Variants in ZNF423 observed in about 807,000 individuals in gnomAD.
ZNF423 encodes the protein zinc finger protein 423.
ZNF423 carries 12 observed loss-of-function variants against 95.8 expected under a neutral mutation model. The ratio of observed to expected loss-of-function variants is 0.13; its 90% CI spans 0.08 to 0.20. The LOEUF is 0.20. Among genes scored for constraint, ZNF423 ranks in the 10% least tolerant of loss-of-function variants. ZNF423 has a pLI of 1.00. For missense variants in ZNF423, 1,316 were observed against 1,737.1 expected (o/e 0.76, Z 4.31); for synonymous variants, 749 against 711.9 (o/e 1.05, Z -0.83).
chr16:49,818,814 G>C (rs565945903), intron 1 of ZNF423, among the ~76,000 whole-genome samples: 65 of 152,098 alleles, frequency 4.3e-4, no homozygotes, highest in Non-Finnish European at 8.7e-4. Context: ...TTGAGCCCAG[G>C]AGTTCAAAAC....
At chr16:49,529,292 A>G (rs73578482) in intron 5 of ZNF423, among the ~76,000 whole-genome samples, 8,851 of 152,082 alleles carry the variant, frequency 0.058, 405 homozygotes, top group African/African-American at 0.13. Flanking sequence ...GGCACAAGGA[A>G]ATCTATTGAT....
intron 3 of ZNF423, among the ~76,000 whole-genome samples, chr16:49,706,408 C>T (rs2032352027): frequency 6.6e-6 from 1 of 152,214 alleles, no homozygotes; most frequent in Admixed American, 6.5e-5. Flanking sequence ...CTGGAAGAAT[C>T]CCATCCCTGG....
At chr16:49,611,133 T>A (rs900303007) in intron 5 of ZNF423, among the ~76,000 whole-genome samples, 3 of 152,026 alleles carry the variant, frequency 2.0e-5, no homozygotes, top group African/African-American at 7.2e-5. Context: ...ACAGAAGAAC[T>A]CAAAATCATT....
At chr16:49,815,893 TA>T (rs2034838235) in intron 1 of ZNF423, among the ~76,000 whole-genome samples, 1 of 45,818 alleles carries the variant, frequency 2.2e-5, no homozygotes, top group Non-Finnish European at 3.9e-5. Context: ...TATATATATA[TA>T]TATATATATA....
At chr16:49,848,066 T>G (rs1202829142) in intron 1 of ZNF423, among the ~76,000 whole-genome samples, 2 of 151,942 alleles carry the variant, frequency 1.3e-5, no homozygotes, top group Non-Finnish European at 1.5e-5. Context: ...ATCACGTCAC[T>G]GCACTCCAGC....
Position 49,492,361 on chromosome 16 carries a change from C to T in ZNF423, c.3850-1057G>A, listed in dbSNP as rs1219471787. ...GGCGCCCCCCAGGGCCCGGCGACTCCTGCAGCTGTGCCGCTGACCGCCAGG... is the reference window on the plus strand; with the variant it reads ...GGCGCCCCCCAGGGCCCGGCGACTCTTGCAGCTGTGCCGCTGACCGCCAGG... On this transcript the variant is annotated intron_variant, in intron 7 of 7. Transcript: ENST00000563137. This position sits in a 1 kb window ranked among gnomAD's most constrained non-coding sequence, Gnocchi z 4.2. 6.6e-6 allele frequency among the ~76,000 whole-genome samples: 1 copy of T among 152,206 alleles called. No homozygotes were observed. The highest frequency in any genetic ancestry group is 1.5e-5 in the Non-Finnish European group (1 of 68,024).
At chr16:49,512,862 G>A (rs927234466) in intron 7 of ZNF423, among the ~76,000 whole-genome samples, 14 of 152,092 alleles carry the variant, frequency 9.2e-5, no homozygotes, top group Admixed American at 2.0e-4. Context: ...TTGAGAGGCC[G>A]AGGCAAGTGG....
At chr16:49,644,194 A>G (rs1973081590) in intron 3 of ZNF423, among the ~76,000 whole-genome samples, 1 of 152,190 alleles carries the variant, frequency 6.6e-6, no homozygotes, top group African/African-American at 2.4e-5. Flanking sequence ...AGTGGGGGGC[A>G]CACATGGAAG....
intron 3 of ZNF423, among the ~76,000 whole-genome samples, chr16:49,730,118 C>G (rs2033125930): frequency 6.6e-6 from 1 of 152,176 alleles, no homozygotes; most frequent in Non-Finnish European, 1.5e-5. Flanking sequence ...CTCCCCACCC[C>G]AATCACCCCA....
At chr16:49,667,141 C>T (rs892139616) in intron 3 of ZNF423, among the ~76,000 whole-genome samples, 8 of 152,220 alleles carry the variant, frequency 5.3e-5, no homozygotes, top group African/African-American at 1.9e-4. Flanking sequence ...TAACTCTGAG[C>T]CTCCCCTTCC....
At chr16:49,602,102 C>T (rs985502134) in intron 5 of ZNF423, among the ~76,000 whole-genome samples, 1 of 152,236 alleles carries the variant, frequency 6.6e-6, no homozygotes, top group African/African-American at 2.4e-5. Context: ...AGCCTAGGCT[C>T]CCCGGCTTCC....
chr16:49,575,081 G>A (rs1359578379), intron 5 of ZNF423, among the ~76,000 whole-genome samples: 3 of 152,098 alleles, frequency 2.0e-5, no homozygotes, highest in South Asian at 2.1e-4. Flanking sequence ...ACTGCCAGCC[G>A]GAACCAGGAG....
intron 5 of ZNF423, among the ~76,000 whole-genome samples, chr16:49,593,296 G>A (rs1244417781): frequency 1.3e-5 from 2 of 152,092 alleles, no homozygotes; most frequent in Non-Finnish European, 1.5e-5. Flanking sequence ...TTAGCCAGGG[G>A]TGGTGGCACG....
At chr16:49,551,333 G>A (rs1969627243) in intron 5 of ZNF423, among the ~76,000 whole-genome samples, 1 of 152,172 alleles carries the variant, frequency 6.6e-6, no homozygotes. Context: ...TTTTTGCAAG[G>A]TGCAAGGAAT....
intron 2 of ZNF423, among the ~76,000 whole-genome samples, chr16:49,758,930 A>C (rs1337947702): frequency 1.3e-5 from 2 of 152,220 alleles, no homozygotes; most frequent in African/African-American, 4.8e-5. Flanking sequence ...GGGATGGGGA[A>C]CAAGGATAAG....
At chr16:49,727,521 A>T (rs1284526569) in intron 3 of ZNF423, among the ~76,000 whole-genome samples, 1 of 151,772 alleles carries the variant, frequency 6.6e-6, no homozygotes, top group Non-Finnish European at 1.5e-5. Flanking sequence ...AGAAAGATAC[A>T]GAAGCAGTTT....
intron 5 of ZNF423, among the ~76,000 whole-genome samples, chr16:49,546,483 T>C (rs1475290665): frequency 6.6e-6 from 1 of 152,202 alleles, no homozygotes; most frequent in African/African-American, 2.4e-5. Flanking sequence ...GATAGAGTAC[T>C]AGGATGTTAA....
chr16:49,835,573 T>C (rs1166016651), intron 1 of ZNF423, among the ~76,000 whole-genome samples: 1 of 152,092 alleles, frequency 6.6e-6, no homozygotes, highest in Non-Finnish European at 1.5e-5. Flanking sequence ...TGCGGGCCAG[T>C]GGGCAGCCTC....
At chr16:49,692,762 T>C (rs1399691235) in intron 3 of ZNF423, among the ~76,000 whole-genome samples, 1 of 152,258 alleles carries the variant, frequency 6.6e-6, no homozygotes, top group Non-Finnish European at 1.5e-5. Flanking sequence ...TTTTAACATA[T>C]GCCCACATCT....
Sources: gnomAD v4.1 joint callset for allele counts (sites outside exome capture counted in the v4.1 genomes callset) on GRCh38, gnomAD v4.1.1 for gene constraint, Gnocchi (gnomAD v3.1) non-coding constraint, MANE v1.5 for transcripts, NCBI Gene and HGNC (gene_info 2026-07-23, HGNC 2026-07-21) for gene names.